Variants in STAU1 observed in about 807,000 individuals in gnomAD.
STAU1 encodes staufen double-stranded RNA binding protein 1.
In STAU1, 13 loss-of-function variants were observed where a neutral mutation model predicts 62.9. The ratio of observed to expected loss-of-function variants is 0.21; its 90% CI spans 0.13 to 0.33. STAU1 has a LOEUF of 0.33. STAU1 is among the 10% of genes least tolerant of loss of function. The pLI is 1.00. For missense variants in STAU1, 571 were observed against 712.1 expected, an observed-to-expected ratio of 0.80 and a Z score of 2.25; for synonymous variants, 269 against 265.1, an observed-to-expected ratio of 1.01 and a Z score of -0.14.
the STAU1 span, among the ~76,000 whole-genome samples, chr20:49,215,720 T>A: frequency 6.6e-6 from 1 of 152,172 alleles, no homozygotes; most frequent in Non-Finnish European, 1.5e-5. Context: ...GAAAACTCCC[T>A]GCTTTGCCAG....
At chr20:49,218,467 C>T in the STAU1 span, among the ~76,000 whole-genome samples, 5 of 152,118 alleles carry the variant, frequency 3.3e-5, no homozygotes, top group Admixed American at 6.5e-5. Context: ...CCTCGTGATC[C>T]GCCCGCCTCG....
chr20:49,217,469 C>G, the STAU1 span, among the ~76,000 whole-genome samples: 1 of 152,030 alleles, frequency 6.6e-6, no homozygotes, highest in Non-Finnish European at 1.5e-5. Context: ...CACAAAGAAC[C>G]AAGAACAAAA....
At chr20:49,168,464 C>T (rs1481253988) in intron 2 of STAU1, among the ~76,000 whole-genome samples, 1 of 151,812 alleles carries the variant, frequency 6.6e-6, no homozygotes, top group East Asian at 1.9e-4. Context: ...AAAATGTTAC[C>T]CTTAAATTCA....
At chr20:49,176,446 AAC>A (rs1370542664) in intron 1 of STAU1, among the ~76,000 whole-genome samples, 6 of 152,202 alleles carry the variant, frequency 3.9e-5, no homozygotes, top group Non-Finnish European at 8.8e-5. Flanking sequence ...TGTCAGTAGT[AAC>A]ACAGAATTTC....
At chr20:49,191,876 C>A (rs935158594), upstream of STAU1, among the ~76,000 whole-genome samples, 4 of 151,678 alleles carry the variant, frequency 2.6e-5, no homozygotes, top group Non-Finnish European at 5.9e-5. Flanking sequence ...CATGGTGAAA[C>A]CCCATCGCTA....
chr20:49,196,179 G>A, the STAU1 span, among the ~76,000 whole-genome samples: 6 of 151,078 alleles, frequency 4.0e-5, no homozygotes, highest in African/African-American at 1.5e-4. Flanking sequence ...GCTCACGCCT[G>A]TAATCCCAGC....
chr20:49,117,216 CTTG>C lies in STAU1; in HGVS notation c.1539_1541del (p.Asn513del), dbSNP rs2092349734. The C allele has an allele frequency of 6.2e-7, 1 of 1,614,006 alleles. No homozygotes were observed. The highest frequency in any genetic ancestry group is 1.3e-5 in the African/African-American group (1 of 74,920). Reference sequence around the variant, plus strand: ...AATTGATAAGAGATACAAATTCGTTCTTGTTGTTTTTGGGGAAGTCTTTGTATT... The same window carrying C: ...AATTGATAAGAGATACAAATTCGTTCTTGTTTTTGGGGAAGTCTTTGTATT... On this transcript the variant is annotated inframe_deletion, in exon 12 of 14. Transcript: ENST00000371856. The surrounding 1 kb of genome is among the most constrained non-coding windows in gnomAD (Gnocchi z 4.6).
intron 3 of STAU1, chr20:49,159,290 T>C (rs348269): frequency 0.091 from 26,746 of 293,370 alleles, 2,219 homozygotes; most frequent in African/African-American, 0.28. Context: ...GAACCAAAAG[T>C]ATACCACATC....
At position 49,167,714 on chromosome 20, in the gene STAU1, C is replaced by T. The variant is rs770276599; in HGVS notation, c.-84-1429G>A. On this transcript the variant is annotated intron_variant, in intron 2 of 13. Transcript: ENST00000371856. ...TTTCATTGGGTTTTTTTTCCGTCAG[C>T]TGCTAAAATAGAAACACTTTTTTCC... 3.7e-4 allele frequency among the ~76,000 whole-genome samples: 56 copies of T among 152,136 alleles called. 1 individual carries two copies. The highest frequency in any genetic ancestry group is 2.0e-4 in the Admixed American group (3 of 15,264).
Position 49,137,851 on chromosome 20 carries a change from T to G in STAU1, c.511-1920A>C, listed in dbSNP as rs2092923004. Among the ~76,000 whole-genome samples, 5 of 148,248 alleles carry G rather than the reference T, an allele frequency of 3.4e-5. No homozygotes were observed. The South Asian group carries it at 8.4e-4, about 25-fold the overall frequency. Reference sequence around the variant, plus strand: ...CGGCTAATTTTTTTTTTTTTTTTTTTGTATCTTTAGCACAGATGGGGTTTC... The same window carrying G: ...CGGCTAATTTTTTTTTTTTTTTTTTGGTATCTTTAGCACAGATGGGGTTTC... On this transcript the variant is annotated intron_variant, in intron 5 of 13. Coordinates refer to ENST00000371856, the MANE Select transcript of STAU1 (RefSeq NM_017453.4).
In STAU1 at chr20:49,117,021, G is replaced by T. The variant is rs1255107120; in HGVS notation, c.1632+105C>A. The T allele has an allele frequency of 3.5e-6, 5 of 1,437,692 alleles. No homozygotes were observed. The Admixed American group carries it at 1.0e-4, about 29-fold the overall frequency. 89.1% of individuals were successfully genotyped at this position (1,437,692 alleles called of 1,614,324 possible). A position where few individuals can be genotyped will look rare whatever the true frequency, so the allele number is the denominator to read the frequency against. On this transcript the variant is annotated intron_variant, in intron 12 of 13. Coordinates refer to ENST00000371856, the MANE Select transcript of STAU1 (RefSeq NM_017453.4). The surrounding 1 kb of genome is among the most constrained non-coding windows in gnomAD (Gnocchi z 4.6). Reference sequence around the variant, plus strand: ...ACGATTCATTGCTCTCAAGGTCTATGGGACAATCTTTCTCCCATCTTCCTC... The same window carrying T: ...ACGATTCATTGCTCTCAAGGTCTATTGGACAATCTTTCTCCCATCTTCCTC...
At chr20:49,181,670 G>T (rs62212760) in intron 1 of STAU1, among the ~76,000 whole-genome samples, 15,995 of 150,292 alleles carry the variant, frequency 0.11, 989 homozygotes, top group Non-Finnish European at 0.13. Flanking sequence ...GGAGGCTAAG[G>T]CAGGAGAATT....
intron 1 of STAU1, among the ~76,000 whole-genome samples, chr20:49,174,933 CAAA>C (rs551431293): frequency 5.0e-5 from 3 of 59,442 alleles, no homozygotes; most frequent in Non-Finnish European, 6.7e-5. Context: ...GACTCCGTCA[CAAA>C]AAAAAAAAAA....
chr20:49,206,414 G>GTTTTTT, the STAU1 span, among the ~76,000 whole-genome samples: 13 of 76,630 alleles, frequency 1.7e-4, no homozygotes, highest in Admixed American at 3.4e-4. Context: ...CTTCCTTCTG[G>GTTTTTT]TTTTTTTTTT....
intron 9 of STAU1, among the ~76,000 whole-genome samples, chr20:49,119,357 T>A (rs965571211): frequency 2.0e-5 from 3 of 152,134 alleles, no homozygotes; most frequent in Non-Finnish European, 4.4e-5. Flanking sequence ...TTTTAATTTT[T>A]TGTAGAGACA....
chr20:49,142,075 C>A (rs1312718664), intron 5 of STAU1, among the ~76,000 whole-genome samples: 1 of 151,702 alleles, frequency 6.6e-6, no homozygotes, highest in African/African-American at 2.4e-5. Context: ...ACAACAACAA[C>A]AACAAATATT....
At chr20:49,208,607 A>G in the STAU1 span, among the ~76,000 whole-genome samples, 2 of 151,706 alleles carry the variant, frequency 1.3e-5, no homozygotes, top group East Asian at 3.9e-4. Flanking sequence ...CCTGAGCAAC[A>G]TAGTGAGATC....
intron 6 of STAU1, among the ~76,000 whole-genome samples, chr20:49,126,462 G>C (rs1170966273): frequency 1.3e-5 from 2 of 150,230 alleles, no homozygotes; most frequent in African/African-American, 2.5e-5. Flanking sequence ...TAGCTATGTG[G>C]GAGGCTAAAA....
chr20:49,129,707 T>C (rs2092711917), intron 6 of STAU1, among the ~76,000 whole-genome samples: 1 of 147,238 alleles, frequency 6.8e-6, no homozygotes, highest in African/African-American at 2.5e-5. Context: ...TGATCTCGGC[T>C]CACTGCAACC....
Sources: gnomAD v4.1 joint callset for allele counts (sites outside exome capture counted in the v4.1 genomes callset) on GRCh38, gnomAD v4.1.1 for gene constraint, Gnocchi (gnomAD v3.1) non-coding constraint, MANE v1.5 for transcripts, NCBI Gene and HGNC (gene_info 2026-07-23, HGNC 2026-07-21) for gene names.